Variants in DLG2 observed in about 807,000 individuals in gnomAD.
The protein encoded by DLG2 is disks large homolog 2.
Under a neutral mutation model 132.5 loss-of-function variants are expected in DLG2, and 45 were observed. The ratio of observed to expected loss-of-function variants is 0.34; its 90% CI spans 0.27 to 0.44. DLG2 has a LOEUF of 0.44. Among genes scored for constraint, DLG2 ranks in the 20% least tolerant of loss-of-function variants. The pLI, the probability that DLG2 is intolerant of heterozygous loss-of-function variation, is 1.00. For synonymous variants in DLG2, 424 were observed against 419.6 expected (o/e 1.01, Z -0.13); for missense variants, 1,045 against 1,196.9 (o/e 0.87, Z 1.87).
At chr11:85,175,313 A>G (rs968005108) in intron 4 of DLG2, among the ~76,000 whole-genome samples, 1 of 152,236 alleles carries the variant, frequency 6.6e-6, no homozygotes, top group Non-Finnish European at 1.5e-5. Flanking sequence ...GGTTGGTTCA[A>G]CATATGCAAA....
At chr11:85,431,849 G>A (rs1036589587) in intron 3 of DLG2, among the ~76,000 whole-genome samples, 3 of 152,202 alleles carry the variant, frequency 2.0e-5, no homozygotes, top group African/African-American at 7.2e-5. Context: ...TGCTTCCTAT[G>A]CCATCCAACT....
intron 14 of DLG2, among the ~76,000 whole-genome samples, chr11:83,936,416 T>A (rs708240): frequency 0.16 from 24,177 of 152,190 alleles, 2,252 homozygotes; most frequent in East Asian, 0.31. Flanking sequence ...TGGATCTTTA[T>A]AATGGTTTGC....
At chr11:84,913,808 T>C (rs2092282788) in intron 6 of DLG2, among the ~76,000 whole-genome samples, 1 of 152,236 alleles carries the variant, frequency 6.6e-6, no homozygotes, top group Admixed American at 6.5e-5. Flanking sequence ...ATATAATGTA[T>C]TCTGACCCAC....
chr11:84,599,530 C>T (rs1330701028), intron 6 of DLG2, among the ~76,000 whole-genome samples: 3 of 152,074 alleles, frequency 2.0e-5, no homozygotes, highest in Non-Finnish European at 1.5e-5. Flanking sequence ...ATTTTAAATG[C>T]TTTGTGTCTA....
rs12575314 is a variant in DLG2 at position 84,062,502 on chromosome 11, A to C, written c.750-3018T>G. 1.8e-4 allele frequency among the ~76,000 whole-genome samples: 27 copies of C among 152,172 alleles called. No individual in the cohort carries two copies. The South Asian group carries it at 2.3e-3, about 13-fold the overall frequency. ...AAGTATTTGTTCAAATGTGAACAGA[A>C]TGGAAATTTAAACTTTTAAAGGACA... On this transcript the variant is annotated intron_variant, in intron 10 of 27. Coordinates refer to ENST00000376104, the MANE Select transcript of DLG2 (RefSeq NM_001142699.3).
At chr11:83,884,569 G>C (rs2067263203) in intron 15 of DLG2, among the ~76,000 whole-genome samples, 1 of 152,212 alleles carries the variant, frequency 6.6e-6, no homozygotes, top group Admixed American at 6.5e-5. Flanking sequence ...AAATGTCCCT[G>C]TCGGACAGCT....
chr11:84,934,077 A>G (rs1214588251), intron 6 of DLG2, among the ~76,000 whole-genome samples: 1 of 152,188 alleles, frequency 6.6e-6, no homozygotes, highest in East Asian at 1.9e-4. Flanking sequence ...AATTTTTAAC[A>G]TGAATGGATG....
chr11:85,343,665 TAC>T lies in DLG2; in HGVS notation c.41-58302_41-58301del, dbSNP rs756096356. ...ACACACGCGCGTACACGCACATACA[TAC>T]ACACACACACACATATACACACTAG... On this transcript the variant is annotated intron_variant, in intron 3 of 27. Transcript: ENST00000376104. Among the ~76,000 whole-genome samples, 67 of 151,428 alleles carry T rather than the reference TAC, an allele frequency of 4.4e-4. 1 individual carries two copies. The highest frequency in any genetic ancestry group is 2.4e-3 in the Admixed American group (37 of 15,156).
At chr11:84,373,399 G>A (rs760780564) in intron 7 of DLG2, among the ~76,000 whole-genome samples, 6 of 151,550 alleles carry the variant, frequency 4.0e-5, no homozygotes, top group Admixed American at 2.0e-4. Flanking sequence ...ATGAAACCCC[G>A]TCTCTACTAA....
chr11:83,562,413 G>T (rs552228582), intron 19 of DLG2, among the ~76,000 whole-genome samples: 34 of 152,054 alleles, frequency 2.2e-4, no homozygotes, highest in African/African-American at 7.0e-4. Context: ...TGCCCTGGGT[G>T]GGGGGGTACC....
At chr11:83,825,691 G>A (rs748070293) in intron 17 of DLG2, among the ~76,000 whole-genome samples, 15 of 152,096 alleles carry the variant, frequency 9.9e-5, no homozygotes, top group Non-Finnish European at 1.8e-4. Context: ...AGGGGACAGG[G>A]CTGCTGCTCC....
intron 22 of DLG2, among the ~76,000 whole-genome samples, chr11:83,482,689 T>A (rs2093218763): frequency 6.6e-6 from 1 of 152,064 alleles, no homozygotes; most frequent in Non-Finnish European, 1.5e-5. Context: ...AAATCAAAGT[T>A]AATAACAAAT....
At chr11:83,707,212 A>G (rs1370646427) in intron 18 of DLG2, among the ~76,000 whole-genome samples, 1 of 152,224 alleles carries the variant, frequency 6.6e-6, no homozygotes, top group Admixed American at 6.5e-5. Context: ...CCCAGGGCCT[A>G]TAAGCATCCA....
chr11:84,295,264 A>G (rs1180713268), intron 7 of DLG2, among the ~76,000 whole-genome samples: 1 of 152,146 alleles, frequency 6.6e-6, no homozygotes. Context: ...CTATCTCCCT[A>G]TGTTATTTTG....
chr11:84,269,018 T>A (rs552890199), intron 7 of DLG2, among the ~76,000 whole-genome samples: 1 of 116,234 alleles, frequency 8.6e-6, no homozygotes, highest in Non-Finnish European at 1.9e-5. Context: ...TCTTTTGTTT[T>A]GTTTGTAGTG....
chr11:85,531,201 A>G (rs2075182298), intron 3 of DLG2, among the ~76,000 whole-genome samples: 1 of 152,200 alleles, frequency 6.6e-6, no homozygotes, highest in Non-Finnish European at 1.5e-5. Context: ...CTTTAAAACA[A>G]TAATTGTAAA....
intron 3 of DLG2, among the ~76,000 whole-genome samples, chr11:85,375,952 A>G (rs1158907946): frequency 1.3e-5 from 2 of 152,208 alleles, no homozygotes; most frequent in African/African-American, 4.8e-5. Context: ...CATGTTAGAA[A>G]ATAAGTCCAA....
intron 6 of DLG2, among the ~76,000 whole-genome samples, chr11:84,725,455 G>C (rs1011638736): frequency 6.6e-6 from 1 of 152,050 alleles, no homozygotes; most frequent in Non-Finnish European, 1.5e-5. Context: ...CTTTAGTAGA[G>C]ATGTTTTCAT....
chr11:84,185,745 C>A (rs1243675531), intron 8 of DLG2, among the ~76,000 whole-genome samples: 3 of 152,108 alleles, frequency 2.0e-5, no homozygotes, highest in Non-Finnish European at 4.4e-5. Context: ...AGGTATGTCC[C>A]ATCAATACCT....
Sources: allele counts gnomAD v4.1 joint callset (sites outside exome capture counted in the v4.1 genomes callset), GRCh38; gene constraint gnomAD v4.1.1; transcripts MANE v1.5; gene names NCBI Gene and HGNC (gene_info 2026-07-23, HGNC 2026-07-21).